The following CSMD1 variants were observed in gnomAD, a reference collection of about 807,000 sequenced individuals.
CSMD1 encodes CUB and Sushi multiple domains 1, also known as CUB and sushi domain-containing protein 1.
A neutral mutation model predicts 417.5 loss-of-function variants in CSMD1; 213 were observed. That is an observed-to-expected ratio of 0.51 (90% CI 0.46 to 0.57). The LOEUF is 0.57. CSMD1 is among the 20% of genes least tolerant of loss of function. The pLI is 0.00. For synonymous variants in CSMD1, 2,862 were observed against 1,736.8 expected (o/e 1.65, Z -16.11); for missense variants, 6,923 against 4,529.7 (o/e 1.53, Z -15.17).
rs371526018 is a variant in CSMD1 at position 4,541,638 on chromosome 8, C to T, written c.302+95704G>A. 1.1e-3 allele frequency among the ~76,000 whole-genome samples: 164 copies of T among 152,142 alleles called. 1 individual carries two copies. The highest frequency in any genetic ancestry group is 3.8e-3 in the African/African-American group (159 of 41,512). ...TGGCAAGCACCTGTAATCCCAACTA[C>T]TCAGGAGGCTGACTTGAACCAAGGA... On this transcript the variant is annotated intron_variant, in intron 2 of 69. Transcript: ENST00000635120.
chr8:4,582,142 A>AG (rs1293734805), intron 2 of CSMD1, among the ~76,000 whole-genome samples: 8 of 152,126 alleles, frequency 5.3e-5, no homozygotes, highest in South Asian at 2.1e-4. Flanking sequence ...CATGAGGAAT[A>AG]ATCCTTCCCT....
chr8:4,698,546 A>T (rs1807285599), intron 1 of CSMD1, among the ~76,000 whole-genome samples: 1 of 151,968 alleles, frequency 6.6e-6, no homozygotes, highest in South Asian at 2.1e-4. Flanking sequence ...TTTATTTTTG[A>T]GACAGGGACA....
chr8:4,113,663 C>T (rs749560176), intron 3 of CSMD1, among the ~76,000 whole-genome samples: 3 of 152,156 alleles, frequency 2.0e-5, no homozygotes, highest in South Asian at 2.1e-4. Context: ...CTCCACCTCC[C>T]AAAGTGCTAG....
chr8:4,524,265 T>G (rs1373495580), intron 2 of CSMD1, among the ~76,000 whole-genome samples: 2 of 147,776 alleles, frequency 1.4e-5, no homozygotes, highest in Admixed American at 1.3e-4. Context: ...AAAAAAAAAA[T>G]GAAATACCCA....
At chr8:3,443,855 T>C (rs1226073905) in intron 12 of CSMD1, among the ~76,000 whole-genome samples, 1 of 152,156 alleles carries the variant, frequency 6.6e-6, no homozygotes, top group Non-Finnish European at 1.5e-5. Context: ...TATGGAAATG[T>C]TGGTATTGCT....
In CSMD1 at chr8:2,961,219, A is replaced by G; in HGVS notation, c.9629-5T>C. Reference sequence around the variant, plus strand: ...GGCAGGTGTTATGAGCAGGATCTGAAATTTGTGATTTAAAAAGAAAAGAGG... The same window carrying G: ...GGCAGGTGTTATGAGCAGGATCTGAGATTTGTGATTTAAAAAGAAAAGAGG... On this transcript the variant is annotated splice_polypyrimidine_tract_variant and splice_region_variant and intron_variant, in intron 61 of 69. Transcript: ENST00000635120. 1.3e-6 allele frequency: 2 copies of G among 1,581,656 alleles called. No individual in the cohort carries two copies. The highest frequency in any genetic ancestry group is 1.7e-6 in the Non-Finnish European group (2 of 1,158,674).
At chr8:3,836,817 T>C (rs1802740948) in intron 5 of CSMD1, among the ~76,000 whole-genome samples, 1 of 152,164 alleles carries the variant, frequency 6.6e-6, no homozygotes, top group Admixed American at 6.6e-5. Flanking sequence ...GTTTAAATAA[T>C]TTTATAACTC....
At chr8:4,211,679 G>T (rs566797314) in intron 3 of CSMD1, among the ~76,000 whole-genome samples, 2 of 152,182 alleles carry the variant, frequency 1.3e-5, no homozygotes, top group African/African-American at 4.8e-5. Context: ...TAGCTGAAAT[G>T]CAGACTTTAG....
chr8:3,283,104 G>A (rs1271638817), intron 26 of CSMD1, among the ~76,000 whole-genome samples: 2 of 152,142 alleles, frequency 1.3e-5, no homozygotes, highest in East Asian at 1.9e-4. Flanking sequence ...TATAGTTCAC[G>A]TGTGCAGATG....
At chr8:4,327,427 A>G (rs914267980) in intron 3 of CSMD1, among the ~76,000 whole-genome samples, 1 of 152,180 alleles carries the variant, frequency 6.6e-6, no homozygotes, top group Non-Finnish European at 1.5e-5. Flanking sequence ...ACACTGGCAC[A>G]ATCAGTCGGA....
intron 10 of CSMD1, among the ~76,000 whole-genome samples, chr8:3,540,956 T>C (rs1307892920): frequency 6.6e-6 from 1 of 152,242 alleles, no homozygotes; most frequent in East Asian, 1.9e-4. Context: ...TCAACCATTG[T>C]GGAGGACAGT....
Position 3,189,917 on chromosome 8 carries a change from C to T in CSMD1, c.5393G>A (p.Cys1798Tyr). The T allele has an allele frequency of 6.3e-7, 1 of 1,576,854 alleles. No homozygotes were observed. Among genetic ancestry groups the T allele is most frequent in the Non-Finnish European group, 8.6e-7 (1 of 1,161,792 alleles). ...LAQWNDTIPSCVVPCSGNFTQ... is the reference protein window; with the variant it reads ...LAQWNDTIPSYVVPCSGNFTQ... ...CGCTTAGGGACACTGCTCACCCACACAGCTGGGGATCGTGTCGTTCCACTG... is the reference window on the plus strand; with the variant it reads ...CGCTTAGGGACACTGCTCACCCACATAGCTGGGGATCGTGTCGTTCCACTG... Residue 1798 changes from cysteine (C) to tyrosine (Y), a missense_variant, in exon 34 of 70, where the codon TGT becomes TAT. Coordinates refer to ENST00000635120, the MANE Select transcript of CSMD1 (RefSeq NM_033225.6).
intron 52 of CSMD1, among the ~76,000 whole-genome samples, chr8:3,002,934 C>T (rs1031678366): frequency 3.3e-5 from 5 of 152,092 alleles, no homozygotes; most frequent in Admixed American, 1.3e-4. Context: ...TACCTCCTTG[C>T]CTGAAGAAAA....
chr8:4,354,581 G>A (rs926294742), intron 3 of CSMD1, among the ~76,000 whole-genome samples: 53 of 152,074 alleles, frequency 3.5e-4, no homozygotes, highest in African/African-American at 1.2e-3. Context: ...AGACTTCACC[G>A]TGACTCAACC....
intron 5 of CSMD1, among the ~76,000 whole-genome samples, chr8:3,993,915 G>A (rs1037278857): frequency 1.3e-5 from 2 of 152,186 alleles, no homozygotes; most frequent in African/African-American, 4.8e-5. Flanking sequence ...ACGTGGAAAC[G>A]TGCAGCTGAA....
intron 7 of CSMD1, among the ~76,000 whole-genome samples, chr8:3,623,117 G>C (rs1454785245): frequency 1.3e-5 from 2 of 152,196 alleles, no homozygotes; most frequent in East Asian, 1.9e-4. Flanking sequence ...AATTATGCAA[G>C]TGGATGATCA....
At chr8:3,654,492 G>A (rs1174721828) in intron 7 of CSMD1, among the ~76,000 whole-genome samples, 2 of 152,038 alleles carry the variant, frequency 1.3e-5, no homozygotes, top group Non-Finnish European at 1.5e-5. Context: ...AAAATCAAGA[G>A]GAGAGATACC....
At chr8:3,859,161 G>T (rs995123560) in intron 5 of CSMD1, among the ~76,000 whole-genome samples, 3 of 152,168 alleles carry the variant, frequency 2.0e-5, no homozygotes, top group Non-Finnish European at 4.4e-5. Context: ...ATAGCACTGT[G>T]CCAGACACAC....
chr8:3,906,909 G>A (rs371904286), intron 5 of CSMD1, among the ~76,000 whole-genome samples: 95 of 152,246 alleles, frequency 6.2e-4, no homozygotes, highest in Middle Eastern at 6.8e-3. Flanking sequence ...ACATTATCCT[G>A]AACTTGACAA....
Sources: gnomAD v4.1 joint callset for allele counts (sites outside exome capture counted in the v4.1 genomes callset) on GRCh38, gnomAD v4.1.1 for gene constraint, MANE v1.5 for transcripts, NCBI Gene and HGNC (gene_info 2026-07-23, HGNC 2026-07-21) for gene names.